HEATR4: variants seen among roughly 807,000 people sequenced by gnomAD.
The protein encoded by HEATR4 is HEAT repeat-containing protein 4.
In HEATR4, 95 loss-of-function variants were observed where a neutral mutation model predicts 108.8. The observed-to-expected ratio is 0.87, with a 90% CI of 0.74 to 1.04. HEATR4 has a LOEUF of 1.04. Among genes scored for constraint, HEATR4 ranks in the 50% least tolerant of loss-of-function variants. The probability of loss-of-function intolerance (pLI) is 0.00; values close to 1 mark genes in which losing one functional copy is unlikely to be tolerated. For missense variants in HEATR4, 1,152 were observed against 1,253.8 expected (o/e 0.92, Z 1.23); for synonymous variants, 443 against 459.4 (o/e 0.96, Z 0.46).
chr14:73,526,552 G>A (rs1233099844), intron 2 of HEATR4, among the ~76,000 whole-genome samples: 4 of 151,940 alleles, frequency 2.6e-5, no homozygotes, highest in African/African-American at 9.7e-5. Flanking sequence ...AGAGGGAAGA[G>A]TACTCAAGTT....
chr14:73,526,900 A>G (rs1407154776), intron 2 of HEATR4, among the ~76,000 whole-genome samples: 4 of 151,778 alleles, frequency 2.6e-5, no homozygotes, highest in African/African-American at 4.8e-5. Context: ...GGGAGTGCTC[A>G]TGTCACCCTT....
chr14:73,631,885 A>G, the HEATR4 span: 1 of 157,768 alleles, frequency 6.3e-6, no homozygotes. Context: ...TGTGGCTTTC[A>G]TGATGTTCAT....
At chr14:73,574,840 G>A in the HEATR4 span, 2 of 1,609,660 alleles carry the variant, frequency 1.2e-6, no homozygotes, top group Non-Finnish European at 1.7e-6. Flanking sequence ...TTCCAGGGTG[G>A]ACACAACTCA....
At chr14:73,585,391 C>T in the HEATR4 span, among the ~76,000 whole-genome samples, 1 of 151,974 alleles carries the variant, frequency 6.6e-6, no homozygotes, top group Admixed American at 6.6e-5. Context: ...CTTTTTAATA[C>T]TATCGCATTG....
chr14:73,500,091 G>A (rs1372373113), intron 12 of HEATR4, among the ~76,000 whole-genome samples: 3 of 152,148 alleles, frequency 2.0e-5, no homozygotes, highest in Non-Finnish European at 4.4e-5. Context: ...TTAGCCAGGT[G>A]TGGTGGCAGG....
At chr14:73,516,147 CAAAAA>C (rs149945107) in intron 5 of HEATR4, among the ~76,000 whole-genome samples, 1 of 9,158 alleles carries the variant, frequency 1.1e-4, no homozygotes, top group Non-Finnish European at 1.5e-4. Flanking sequence ...CAACAGTCAT[CAAAAA>C]AAAAAAAAAA....
the HEATR4 span, among the ~76,000 whole-genome samples, chr14:73,627,287 G>A: frequency 0.14 from 21,652 of 151,914 alleles, 2,176 homozygotes; most frequent in Non-Finnish European, 0.22. Context: ...ACACCAGGCA[G>A]GCAAACAGTT....
At chr14:73,569,848 T>C in the HEATR4 span, 214 of 1,604,866 alleles carry the variant, frequency 1.3e-4, 3 homozygotes, top group African/African-American at 1.4e-3. Context: ...CCGGTGCGCG[T>C]GGGCCGGGTG....
Position 73,478,741 on chromosome 14 carries a change from G to A in HEATR4, c.2946C>T (p.Thr982=), listed in dbSNP as rs749806096. 1 of 1,614,050 alleles carries A rather than the reference G, an allele frequency of 6.2e-7. No homozygotes were observed. The highest frequency in any genetic ancestry group is 8.5e-7 in the Non-Finnish European group (1 of 1,180,016). ...VRSSLVKDLR[T]SPEKRIAVGP... ...CCACAGCAATCCTTTTCTCGGGGGA[G>A]GTGCGTAGATCTTTGACAAGTGATG... is the stretch of plus-strand genomic sequence containing the variant. Residue 982 remains threonine, a synonymous_variant, in exon 18 of 18, where the codon ACC becomes ACT. Coordinates refer to ENST00000553558, the MANE Select transcript of HEATR4 (RefSeq NM_001220484.1).
the HEATR4 span, among the ~76,000 whole-genome samples, chr14:73,620,589 CG>C: frequency 1.3e-5 from 2 of 151,508 alleles, no homozygotes; most frequent in African/African-American, 4.8e-5. Flanking sequence ...TTTTTTGAGA[CG>C]GAGTCTCGCT....
intron 1 of HEATR4, among the ~76,000 whole-genome samples, chr14:73,556,881 A>G (rs190785656): frequency 8.8e-6 from 1 of 113,780 alleles, no homozygotes; most frequent in East Asian, 6.8e-4. Context: ...GCGCTTCGGG[A>G]AGAATTTAGG....
At chr14:73,507,099 G>A (rs1394039287) in intron 9 of HEATR4, among the ~76,000 whole-genome samples, 7 of 151,618 alleles carry the variant, frequency 4.6e-5, no homozygotes, top group Non-Finnish European at 8.8e-5. Context: ...CACCGTGCCC[G>A]GCCTTCTGTC....
chr14:73,563,562 T>C (rs10467826), upstream of HEATR4, among the ~76,000 whole-genome samples: 140 of 152,170 alleles, frequency 9.2e-4, no homozygotes, highest in African/African-American at 3.3e-3. Context: ...GCCACTGCAC[T>C]CCAGCCTGGG....
At chr14:73,529,379 T>TAAAAAAAAAAAAAAAAAAAAAAA (rs1566845781) in intron 2 of HEATR4, among the ~76,000 whole-genome samples, 1 of 116,788 alleles carries the variant, frequency 8.6e-6, no homozygotes. Flanking sequence ...AAAAAAAAAT[T>TAAAAAAAAAAAAAAAAAAAAAAA]AAGTCAATCC....
chr14:73,573,756 C>T, the HEATR4 span, among the ~76,000 whole-genome samples: 1 of 151,488 alleles, frequency 6.6e-6, no homozygotes, highest in African/African-American at 2.4e-5. Context: ...GAGATGGAGT[C>T]TCACTCTGTT....
At chr14:73,579,727 T>C in the HEATR4 span, among the ~76,000 whole-genome samples, 1 of 151,778 alleles carries the variant, frequency 6.6e-6, no homozygotes, top group Non-Finnish European at 1.5e-5. Flanking sequence ...CCATCATGAA[T>C]AATTTTAAAG....
At chr14:73,599,388 A>G in the HEATR4 span, among the ~76,000 whole-genome samples, 1 of 152,208 alleles carries the variant, frequency 6.6e-6, no homozygotes, top group Non-Finnish European at 1.5e-5. Context: ...AACACTAACC[A>G]TGTATTTTTC....
At chr14:73,509,524 A>C in intron 7 of HEATR4, 51 bp from the exon 8 acceptor site, 151 of 1,590,300 alleles carry the variant, frequency 9.5e-5, no homozygotes, top group Non-Finnish European at 1.2e-4. Context: ...TGCTTTTCTC[A>C]CACACAGCTT....
chr14:73,605,260 G>A, the HEATR4 span, among the ~76,000 whole-genome samples: 13 of 151,950 alleles, frequency 8.6e-5, no homozygotes, highest in Admixed American at 1.3e-4. Context: ...CTTATTACCC[G>A]ACTCTAGCCA....
Sources: allele counts gnomAD v4.1 joint callset (sites outside exome capture counted in the v4.1 genomes callset), GRCh38; gene constraint gnomAD v4.1.1; transcripts MANE v1.5; gene names NCBI Gene and HGNC (gene_info 2026-07-23, HGNC 2026-07-21).